Variants in SH3BP4 observed in about 807,000 individuals in gnomAD.
SH3BP4 encodes SH3 domain-binding protein 4.
SH3BP4 carries 33 observed loss-of-function variants against 65.5 expected under a neutral mutation model. The observed-to-expected ratio is 0.50, with a 90% CI of 0.38 to 0.67. The LOEUF is 0.67. Ranked by LOEUF, SH3BP4 falls within the 30% of genes least tolerant of loss-of-function variation. SH3BP4 has a pLI of 0.00. For missense variants in SH3BP4, 1,134 were observed against 1,261.4 expected (o/e 0.90, Z 1.53); for synonymous variants, 552 against 545.5 (o/e 1.01, Z -0.17).
In SH3BP4 at chr2:235,035,228, G is replaced by A. The variant is rs2106325327; in HGVS notation, c.118+108G>A. On this transcript the variant is annotated intron_variant, in intron 3 of 5. Transcript: ENST00000392011. The surrounding 1 kb of genome is among the most constrained non-coding windows in gnomAD (Gnocchi z 5.0). ...AGATTGCCAGTTTAGCATTCAGATAGTTAAAGTTTAGTTCTTTAAACTTCA... is the reference window on the plus strand; with the variant it reads ...AGATTGCCAGTTTAGCATTCAGATAATTAAAGTTTAGTTCTTTAAACTTCA... 1 of 823,562 alleles carries A rather than the reference G, an allele frequency of 1.2e-6. No individual in the cohort carries two copies. The highest frequency in any genetic ancestry group is 2.1e-6 in the Non-Finnish European group (1 of 477,972). 51.0% of individuals were successfully genotyped at this position (823,562 alleles called of 1,614,324 possible).
intron 4 of SH3BP4, among the ~76,000 whole-genome samples, chr2:235,048,161 A>G (rs1426377372): frequency 6.6e-6 from 1 of 152,100 alleles, no homozygotes; most frequent in Non-Finnish European, 1.5e-5. Context: ...CCAAAGCCAG[A>G]GCCTGTGGCT....
intron 1 of SH3BP4, among the ~76,000 whole-genome samples, chr2:234,989,729 ACGT>A (rs1424402824): frequency 4.6e-5 from 7 of 152,170 alleles, no homozygotes; most frequent in Non-Finnish European, 1.0e-4. Context: ...TATCATTTTC[ACGT>A]CGTGAAATAT....
Position 235,033,982 on chromosome 2 carries a change from C to T in SH3BP4, c.-132-889C>T, listed in dbSNP as rs1695285920. ...TGCTCAGAGCTCTAAGTACTGTGGC[C>T]AGCTGTGAAAGTGTCTGCCAGTTTC... On this transcript the variant is annotated intron_variant, in intron 2 of 5. Transcript: ENST00000392011. This position sits in a 1 kb window ranked among gnomAD's most constrained non-coding sequence, Gnocchi z 5.7. Among the ~76,000 whole-genome samples the T allele has an allele frequency of 6.6e-6, 1 of 152,126 alleles. No homozygotes were observed. Among genetic ancestry groups the T allele is most frequent in the African/African-American group, 2.4e-5 (1 of 41,422 alleles).
At chr2:234,996,805 T>C (rs934353305) in intron 2 of SH3BP4, among the ~76,000 whole-genome samples, 1 of 152,216 alleles carries the variant, frequency 6.6e-6, no homozygotes. Context: ...GGCCCCCACA[T>C]GGACTGGCCT....
intron 1 of SH3BP4, among the ~76,000 whole-genome samples, chr2:234,986,809 A>G (rs1047220140): frequency 7.5e-6 from 1 of 133,326 alleles, no homozygotes; most frequent in South Asian, 2.4e-4. Context: ...TAATGATTTT[A>G]TTTTTTTTTT....
rs540091156 is a variant in SH3BP4 at position 234,997,521 on chromosome 2, C to T, written c.-133+2145C>T. Among the ~76,000 whole-genome samples the T allele has an allele frequency of 3.0e-4, 46 of 152,264 alleles. No homozygotes were observed. Among genetic ancestry groups the T allele is most frequent in the African/African-American group, 1.1e-3 (45 of 41,552 alleles). ...TGCTCCCTGACTCAGTTCCTGAGAC[C>T]AGAATGACTGAGGAAACAGGAGGCC... On this transcript the variant is annotated intron_variant, in intron 2 of 5. Coordinates refer to ENST00000392011, the MANE Select transcript of SH3BP4 (RefSeq NM_014521.3). This position sits in a 1 kb window ranked among gnomAD's most constrained non-coding sequence, Gnocchi z 4.2.
chr2:234,983,258 G>A (rs1394841037), intron 1 of SH3BP4: 1 of 152,266 alleles, frequency 6.6e-6, no homozygotes, highest in Non-Finnish European at 1.5e-5. Context: ...TGCTTGAGAA[G>A]CTCTGAGTTC....
chr2:235,044,085 C>T (rs958493359), intron 4 of SH3BP4, among the ~76,000 whole-genome samples: 6 of 152,224 alleles, frequency 3.9e-5, no homozygotes, highest in East Asian at 1.9e-4. Flanking sequence ...CAGAGTCCCA[C>T]GAACCGCTGC....
chr2:234,960,441 A>G (rs757063266), intron 1 of SH3BP4, among the ~76,000 whole-genome samples: 2 of 152,168 alleles, frequency 1.3e-5, no homozygotes, highest in South Asian at 2.1e-4. Flanking sequence ...CATCAACACA[A>G]TTTTGAATTT....
rs944804908 is a variant in SH3BP4 at position 234,977,568 on chromosome 2, G to A, written c.-206-17735G>A. 6.6e-6 allele frequency among the ~76,000 whole-genome samples: 1 copy of A among 152,182 alleles called. No individual in the cohort carries two copies. The highest frequency in any genetic ancestry group is 1.5e-5 in the Non-Finnish European group (1 of 68,034). The stretch of plus-strand genomic sequence containing the variant: ...CACCCAGCTCTGGGGCGACTGGCAG[G>A]TGTTGGACCTGTGGCCGTGGTGCCA... On this transcript the variant is annotated intron_variant, in intron 1 of 5. Transcript: ENST00000392011. This position sits in a 1 kb window ranked among gnomAD's most constrained non-coding sequence, Gnocchi z 5.1.
At chr2:235,024,658 T>C (rs1694944113) in intron 2 of SH3BP4, among the ~76,000 whole-genome samples, 1 of 152,170 alleles carries the variant, frequency 6.6e-6, no homozygotes, top group African/African-American at 2.4e-5. Flanking sequence ...GTAAGATGTA[T>C]GTGTGGGGCT....
At chr2:234,966,622 C>G (rs1421049589) in intron 1 of SH3BP4, among the ~76,000 whole-genome samples, 2 of 152,122 alleles carry the variant, frequency 1.3e-5, no homozygotes, top group Non-Finnish European at 2.9e-5. Flanking sequence ...GGATATTAAC[C>G]GAGGGGAATT....
At chr2:234,995,113 C>G (rs1047935076) in intron 1 of SH3BP4, among the ~76,000 whole-genome samples, 190 bp from the exon 2 acceptor site, 3 of 152,228 alleles carry the variant, frequency 2.0e-5, no homozygotes, top group Non-Finnish European at 4.4e-5. Flanking sequence ...GCTGGCCACT[C>G]TCCAGAGTTG....
intron 1 of SH3BP4, among the ~76,000 whole-genome samples, chr2:234,954,945 C>T (rs1167258353): frequency 6.6e-6 from 1 of 152,196 alleles, no homozygotes; most frequent in Non-Finnish European, 1.5e-5. Flanking sequence ...GTTCCAGCCT[C>T]GTTTCAGGTA....
At chr2:235,038,356 A>ATATTT (rs1695496567) in intron 3 of SH3BP4, among the ~76,000 whole-genome samples, 4 of 12,152 alleles carry the variant, frequency 3.3e-4, no homozygotes, top group African/African-American at 7.8e-4. Context: ...TATTTTATAT[A>ATATTT]TATATATATA....
Position 235,045,854 on chromosome 2 carries a change from G to C in SH3BP4, c.2478+2607G>C, listed in dbSNP as rs1050081578. ...GCATAGCTTTCGGTGTCCTTGTTCT[G>C]ATGCCTTGGGTTGGAAACAGTGTTT... On this transcript the variant is annotated intron_variant, in intron 4 of 5. Coordinates refer to ENST00000392011, the MANE Select transcript of SH3BP4 (RefSeq NM_014521.3). This position sits in a 1 kb window ranked among gnomAD's most constrained non-coding sequence, Gnocchi z 4.3. Among the ~76,000 whole-genome samples, 1 of 152,154 alleles carries C rather than the reference G, an allele frequency of 6.6e-6. No individual in the cohort carries two copies. Among genetic ancestry groups the C allele is most frequent in the African/African-American group, 2.4e-5 (1 of 41,432 alleles).
At chr2:235,032,859 C>T (rs1388904261) in intron 2 of SH3BP4, among the ~76,000 whole-genome samples, 1 of 152,118 alleles carries the variant, frequency 6.6e-6, no homozygotes, top group African/African-American at 2.4e-5. Context: ...CTCCCCAAGG[C>T]GTAGTTCTCA....
At chr2:235,025,950 A>T (rs752972562) in intron 2 of SH3BP4, among the ~76,000 whole-genome samples, 1 of 152,200 alleles carries the variant, frequency 6.6e-6, no homozygotes, top group African/African-American at 2.4e-5. Context: ...TGGTGAGTGC[A>T]TGGGATGTAC....
rs1182398340 is a variant in SH3BP4 at position 235,041,117 on chromosome 2, C to T, written c.348C>T (p.Asn116=). 6.2e-7 allele frequency: 1 copy of T among 1,614,088 alleles called. No individual in the cohort carries two copies. The highest frequency in any genetic ancestry group is 1.3e-5 in the African/African-American group (1 of 74,934). Reference sequence around the variant, plus strand: ...ATGTGCAGCCCTTGAACTACCGGAACTCAACACTGAGTGACAGCGGTATGA... The same window carrying T: ...ATGTGCAGCCCTTGAACTACCGGAATTCAACACTGAGTGACAGCGGTATGA... The part of the protein sequence containing the change: ...SSYVQPLNYR[N]STLSDSGMID... The change falls in exon 4 of 6, where the codon AAC becomes AAT. Residue 116 remains asparagine, a synonymous_variant. Transcript: ENST00000392011. The surrounding 1 kb of genome is among the most constrained non-coding windows in gnomAD (Gnocchi z 6.0).
Sources: allele counts gnomAD v4.1 joint callset (sites outside exome capture counted in the v4.1 genomes callset), GRCh38; gene constraint gnomAD v4.1.1; non-coding constraint Gnocchi (gnomAD v3.1); transcripts MANE v1.5; gene names NCBI Gene and HGNC (gene_info 2026-07-23, HGNC 2026-07-21).